The following NEK1 variants were observed in gnomAD, a reference collection of about 807,000 sequenced individuals.
The protein encoded by NEK1 is NIMA related kinase 1.
NEK1 carries 137 observed loss-of-function variants against 182.1 expected under a neutral mutation model. The ratio of observed to expected loss-of-function variants is 0.75; its 90% CI spans 0.65 to 0.87. NEK1 has a LOEUF of 0.87. Among genes scored for constraint, NEK1 ranks in the 40% least tolerant of loss-of-function variants. The pLI is 0.00. For missense variants in NEK1, 1,391 were observed against 1,494.4 expected, an observed-to-expected ratio of 0.93 and a Z score of 1.14; for synonymous variants, 513 against 492.2, an observed-to-expected ratio of 1.04 and a Z score of -0.56.
chr4:169,578,466 G>C (rs878890288), intron 11 of NEK1, among the ~76,000 whole-genome samples: 1 of 151,976 alleles, frequency 6.6e-6, no homozygotes, highest in Non-Finnish European at 1.5e-5. Flanking sequence ...GAGGGGAAAG[G>C]AGAAAAAAAT....
chr4:169,433,572 C>G lies in NEK1; in HGVS notation c.2858G>C (p.Ser953Thr), dbSNP rs771528659. ...LPCTITDVWI[S>T]EEKETKETQS... ...AGTTTCCTTTGTTTCTTTTTCCTCA[C>G]TAATCCACACATCAGTAATAGTGCA... is the stretch of plus-strand genomic sequence containing the variant. The change falls in exon 29 of 36, where the codon AGT (serine) becomes ACT (threonine). Residue 953 changes from serine (S) to threonine (T), a missense_variant. This residue lies in a region of NEK1 where 1,216 missense variants were observed against 1,277.6 expected (regional missense o/e 0.95). Coordinates refer to ENST00000507142, the MANE Select transcript of NEK1 (RefSeq NM_001199397.3). 2 of 1,612,118 alleles carry G rather than the reference C, an allele frequency of 1.2e-6. No homozygotes were observed. Among genetic ancestry groups the G allele is most frequent in the South Asian group, 2.2e-5 (2 of 90,226 alleles).
chr4:169,459,847 A>G (rs1743626698), intron 27 of NEK1, among the ~76,000 whole-genome samples: 1 of 152,226 alleles, frequency 6.6e-6, no homozygotes, highest in Admixed American at 6.5e-5. Flanking sequence ...TGGAGATAGT[A>G]AAATAATCAG....
chr4:169,427,664 T>C (rs1736635475), intron 29 of NEK1, among the ~76,000 whole-genome samples: 1 of 151,586 alleles, frequency 6.6e-6, no homozygotes, highest in Non-Finnish European at 1.5e-5. Flanking sequence ...CCAGCTAATT[T>C]TTGTATTTTT....
intron 10 of NEK1, 77 bp from the exon 11 acceptor site, chr4:169,580,979 A>G (rs542202503): frequency 1.5e-6 from 1 of 683,136 alleles, no homozygotes; most frequent in East Asian, 3.2e-5. Context: ...ATTATAATAC[A>G]TCTTCCCCTT....
At chr4:169,506,221 GTAAA>G (rs1047490476) in intron 23 of NEK1, among the ~76,000 whole-genome samples, 1 of 152,112 alleles carries the variant, frequency 6.6e-6, no homozygotes, top group African/African-American at 2.4e-5. Context: ...AAAGCATATT[GTAAA>G]TAATTACTAA....
chr4:169,554,644 G>A (rs947008736), intron 18 of NEK1: 2 of 152,124 alleles, frequency 1.3e-5, no homozygotes, highest in African/African-American at 4.8e-5. Context: ...GCAACCAGTG[G>A]TTGCCAAGAG....
chr4:169,455,141 C>T (rs553698557), intron 27 of NEK1, among the ~76,000 whole-genome samples: 1 of 152,284 alleles, frequency 6.6e-6, no homozygotes, highest in Admixed American at 6.5e-5. Flanking sequence ...ATTACTTTGA[C>T]ACAGGGCAGG....
chr4:169,475,868 T>C (rs972050744), intron 26 of NEK1, among the ~76,000 whole-genome samples: 1 of 151,886 alleles, frequency 6.6e-6, no homozygotes, highest in Admixed American at 6.6e-5. Flanking sequence ...AAGACTATCA[T>C]CTATTAAAGA....
chr4:169,439,819 G>C (rs1053146600), intron 27 of NEK1, among the ~76,000 whole-genome samples: 13 of 150,664 alleles, frequency 8.6e-5, no homozygotes, highest in Non-Finnish European at 1.6e-4. Flanking sequence ...AGAAATAGGG[G>C]AAGGAAGAGG....
At chr4:169,483,573 T>C (rs1748484968) in intron 23 of NEK1, among the ~76,000 whole-genome samples, 1 of 152,034 alleles carries the variant, frequency 6.6e-6, no homozygotes, top group Admixed American at 6.6e-5. Flanking sequence ...ATTTAAGATG[T>C]TACTACAAAT....
intron 28 of NEK1, among the ~76,000 whole-genome samples, chr4:169,437,091 T>A (rs1179410686): frequency 6.6e-6 from 1 of 152,250 alleles, no homozygotes; most frequent in East Asian, 1.9e-4. Context: ...CTGACAATGC[T>A]ATTCCTGGTT....
intron 27 of NEK1, among the ~76,000 whole-genome samples, chr4:169,441,860 G>A (rs765727457): frequency 5.3e-5 from 8 of 152,044 alleles, no homozygotes; most frequent in Non-Finnish European, 8.8e-5. Context: ...TCTACCTGGC[G>A]ATGCCCCCAA....
chr4:169,584,099 T>A (rs867306185), intron 10 of NEK1, among the ~76,000 whole-genome samples: 17 of 152,346 alleles, frequency 1.1e-4, no homozygotes, highest in African/African-American at 4.1e-4. Flanking sequence ...TCTCAGGTGA[T>A]CAAATTTTTA....
At position 169,477,199 on chromosome 4, in the gene NEK1, T is replaced by G; in HGVS notation, c.2359A>C (p.Lys787Gln). Residue 787 changes from lysine to glutamine, a missense_variant, in exon 26 of 36, where the codon AAG (lysine) becomes CAG (glutamine). By Grantham distance (53) the Lys-to-Gln change is moderately conservative. Around this residue, in one of 5 missense-constraint regions of NEK1, gnomAD observed 1,216 missense variants for 1,277.6 expected, o/e 0.95. Transcript: ENST00000507142. ...ACAAGTTGACCTCCTGCCTCCCACTTCTTGCGATCAGATGAAACTGATTTT... is the reference window on the plus strand; with the variant it reads ...ACAAGTTGACCTCCTGCCTCCCACTGCTTGCGATCAGATGAAACTGATTTT... ...KEKSVSSDRK[K>Q]WEAGGQLVIP... 1 of 1,608,682 alleles carries G rather than the reference T, an allele frequency of 6.2e-7. No individual in the cohort carries two copies. Among genetic ancestry groups the G allele is most frequent in the Non-Finnish European group, 8.5e-7 (1 of 1,177,232 alleles).
Position 169,513,176 on chromosome 4 carries a change from C to A in NEK1, c.1666-4324G>T, listed in dbSNP as rs139269511. On this transcript the variant is annotated intron_variant, in intron 19 of 35. Transcript: ENST00000507142. ...GAATTGCATTATCTCTCCAATTTAACAAGAATTGCCATTTTTACTGTTGTG... is the reference window on the plus strand; with the variant it reads ...GAATTGCATTATCTCTCCAATTTAAAAAGAATTGCCATTTTTACTGTTGTG... 6.6e-5 allele frequency among the ~76,000 whole-genome samples: 10 copies of A among 152,262 alleles called. No homozygotes were observed. In the East Asian group the frequency reaches 1.9e-3, roughly 29 times the overall value.
chr4:169,497,085 T>C (rs535832721), intron 23 of NEK1, among the ~76,000 whole-genome samples: 4 of 152,218 alleles, frequency 2.6e-5, no homozygotes, highest in Non-Finnish European at 5.9e-5. Context: ...TTTCAGAGCC[T>C]GTTATTGGTC....
intron 23 of NEK1, among the ~76,000 whole-genome samples, chr4:169,480,992 TACAA>T (rs1747899770): frequency 6.6e-6 from 1 of 152,216 alleles, no homozygotes; most frequent in Non-Finnish European, 1.5e-5. Context: ...CGACTAAGTT[TACAA>T]AATATTCTAA....
At chr4:169,538,332 A>C (rs1432493381) in intron 18 of NEK1, among the ~76,000 whole-genome samples, 1 of 152,168 alleles carries the variant, frequency 6.6e-6, no homozygotes, top group Non-Finnish European at 1.5e-5. Context: ...AAATTAACAA[A>C]AAGAACAAAT....
chr4:169,526,280 G>C (rs75997881), intron 19 of NEK1, among the ~76,000 whole-genome samples: 3,905 of 152,274 alleles, frequency 0.026, 177 homozygotes, highest in African/African-American at 0.088. Context: ...CTTGAAGCTA[G>C]GAGTTTGAGG....
Sources: gnomAD v4.1 joint callset for allele counts (sites outside exome capture counted in the v4.1 genomes callset) on GRCh38, gnomAD v4.1.1 for gene constraint, gnomAD v4.1.1 regional missense constraint, MANE v1.5 for transcripts, NCBI Gene and HGNC (gene_info 2026-07-23, HGNC 2026-07-21) for gene names.